Variants in NLRC4 observed in about 807,000 individuals in gnomAD.
NLRC4 encodes the protein NLR family CARD domain-containing protein 4.
A neutral mutation model predicts 79.9 loss-of-function variants in NLRC4; 63 were observed. The observed-to-expected ratio is 0.79, with a 90% CI of 0.64 to 0.97. NLRC4 has a LOEUF of 0.97. Among genes scored for constraint, NLRC4 ranks in the 50% least tolerant of loss-of-function variants. NLRC4 has a pLI of 0.00. For missense variants in NLRC4, 1,074 were observed against 1,215.2 expected (o/e 0.88, Z 1.73); for synonymous variants, 461 against 456.5 (o/e 1.01, Z -0.12).
At chr2:32,235,710 G>T (rs988931547) in intron 7 of NLRC4, 142 bp from the exon 8 acceptor site, 118 of 609,598 alleles carry the variant, frequency 1.9e-4, no homozygotes, top group Middle Eastern at 4.7e-4. Context: ...TTAATTTTTG[G>T]TTTTTTTTTG....
rs1491381844 is a variant in NLRC4 at position 32,245,333 on chromosome 2, A to AC, written c.2258-4209dup. ...CTCAAAAAAAAAAAAAAAAAAAAAA[A>AC]CAGATGAATAGAGGTCATTATGGTA... is the stretch of plus-strand genomic sequence containing the variant. On this transcript the variant is annotated intron_variant, in intron 4 of 8. Transcript: ENST00000402280. 5.9e-3 allele frequency among the ~76,000 whole-genome samples: 836 copies of AC among 142,080 alleles called. 9 individuals are homozygous for AC. Among genetic ancestry groups the AC allele is most frequent in the Non-Finnish European group, 9.7e-3 (633 of 65,004 alleles). 93.2% of individuals were successfully genotyped at this position (142,080 alleles called of 152,430 possible).
chr2:32,230,160 A>G (rs1686496445), intron 8 of NLRC4, among the ~76,000 whole-genome samples: 1 of 152,138 alleles, frequency 6.6e-6, no homozygotes, highest in African/African-American at 2.4e-5. Context: ...GAGAAGAGAA[A>G]CCTATAAGCT....
At chr2:32,251,682 G>T in intron 3 of NLRC4, 81 bp from the exon 4 acceptor site, 1 of 952,170 alleles carries the variant, frequency 1.1e-6, no homozygotes, top group South Asian at 1.6e-5. Flanking sequence ...TGAACGGGGG[G>T]GTGAGGCTGA....
At chr2:32,228,816 G>A (rs1223852983) in intron 8 of NLRC4, among the ~76,000 whole-genome samples, 2 of 151,746 alleles carry the variant, frequency 1.3e-5, no homozygotes, top group Non-Finnish European at 1.5e-5. Flanking sequence ...TTGCCCAGGA[G>A]TGCAGTGGTG....
rs1268495377 is a variant in NLRC4 at position 32,239,150 on chromosome 2, G to A, written c.2351-848C>T. Among the ~76,000 whole-genome samples, 5 of 152,228 alleles carry A rather than the reference G, an allele frequency of 3.3e-5. No individual in the cohort carries two copies. In the East Asian group the frequency reaches 9.7e-4, roughly 29 times the overall value. On this transcript the variant is annotated intron_variant, in intron 5 of 8. Coordinates refer to ENST00000402280, the MANE Select transcript of NLRC4 (RefSeq NM_001199138.2). ...ACAAAAATTAGCTGGGCGTGATGGTGCACACCTGTAATCTCAGCTACTTCG... is the reference window on the plus strand; with the variant it reads ...ACAAAAATTAGCTGGGCGTGATGGTACACACCTGTAATCTCAGCTACTTCG...
In NLRC4 at chr2:32,250,541, G is replaced by A. The variant is rs780456558; in HGVS notation, c.1323C>T (p.Phe441=). The stretch of plus-strand genomic sequence containing the variant: ...TGTACTCCTGGAATGACTTGTGAAA[G>A]AATTTATACTTTGGCTTGAACCTTT... ...TAQRFKPKYK[F]FHKSFQEYTA... The change falls in exon 4 of 9, where the codon TTC becomes TTT. Residue 441 remains phenylalanine, a synonymous_variant. Coordinates refer to ENST00000402280, the MANE Select transcript of NLRC4 (RefSeq NM_001199138.2). The surrounding 1 kb of genome is among the most constrained non-coding windows in gnomAD (Gnocchi z 4.9). 1.2e-5 allele frequency: 20 copies of A among 1,614,094 alleles called. No homozygotes were observed. Among genetic ancestry groups the A allele is most frequent in the Admixed American group, 1.2e-4 (7 of 59,990 alleles).
At chr2:32,253,211 G>A (rs1687122951) in intron 2 of NLRC4, among the ~76,000 whole-genome samples, 1 of 151,350 alleles carries the variant, frequency 6.6e-6, no homozygotes, top group Non-Finnish European at 1.5e-5. Flanking sequence ...GTGCAGTGAC[G>A]CGATCTCGGC....
At chr2:32,226,170 C>T (rs1380616967) in intron 8 of NLRC4, among the ~76,000 whole-genome samples, 2 of 152,112 alleles carry the variant, frequency 1.3e-5, no homozygotes, top group Non-Finnish European at 2.9e-5. Flanking sequence ...GACCAGCTTA[C>T]GTGGGTGAGG....
rs368415170 is a variant in NLRC4, at chr2:32,250,935, C to T, written c.929G>A (p.Arg310Gln). Reference protein sequence around the residue: ...MTEDSAQALIREVLIKELAEG... With the variant: ...MTEDSAQALIQEVLIKELAEG... ...AGCAAGCTCCTTGATCAGCACTTCT[C>T]GGATGAGAGCCTGGGCGCTGTCTTC... is the stretch of plus-strand genomic sequence containing the variant. The change falls in exon 4 of 9, where the codon CGA becomes CAA. Residue 310 changes from arginine to glutamine, a missense_variant. By Grantham distance (43) the Arg-to-Gln change is conservative. Coordinates refer to ENST00000402280, the MANE Select transcript of NLRC4 (RefSeq NM_001199138.2). The surrounding 1 kb of genome is among the most constrained non-coding windows in gnomAD (Gnocchi z 4.9). 1.4e-5 allele frequency: 23 copies of T among 1,613,928 alleles called. No individual in the cohort carries two copies. Among genetic ancestry groups the T allele is most frequent in the South Asian group, 9.9e-5 (9 of 91,072 alleles).
chr2:32,229,404 A>G (rs1686479151), intron 8 of NLRC4, among the ~76,000 whole-genome samples: 4 of 152,158 alleles, frequency 2.6e-5, no homozygotes. Flanking sequence ...AAGCGAATAG[A>G]GAACAGAGAA....
At chr2:32,252,175 T>C (rs376415122) in intron 3 of NLRC4, among the ~76,000 whole-genome samples, 90 of 152,310 alleles carry the variant, frequency 5.9e-4, no homozygotes, top group African/African-American at 2.1e-3. Context: ...CAGTTTTATC[T>C]TGCAGTGAGA....
At chr2:32,259,262 A>ATCTTTTTT (rs1687280788) in intron 1 of NLRC4, among the ~76,000 whole-genome samples, 1 of 52,878 alleles carries the variant, frequency 1.9e-5, no homozygotes, top group African/African-American at 9.4e-5. Flanking sequence ...TGCCTGGCTA[A>ATCTTTTTT]TTTTTTTTTT....
chr2:32,241,239 C>G, intron 4 of NLRC4, 114 bp from the exon 5 acceptor site: 3 of 679,600 alleles, frequency 4.4e-6, no homozygotes, highest in Non-Finnish European at 7.7e-6. Flanking sequence ...TCATCATGAG[C>G]CAAAAATGCT....
chr2:32,262,158 G>A (rs546577240), intron 1 of NLRC4, among the ~76,000 whole-genome samples: 12 of 152,232 alleles, frequency 7.9e-5, no homozygotes, highest in Non-Finnish European at 1.3e-4. Flanking sequence ...ACATTTTGGT[G>A]TCAGGATTGC....
chr2:32,226,063 A>G (rs212706), intron 8 of NLRC4, among the ~76,000 whole-genome samples: 87,499 of 151,960 alleles, frequency 0.58, 25,426 homozygotes, highest in African/African-American at 0.62. Flanking sequence ...AGAAGGAAAG[A>G]TTCGGTGCTG....
rs1558464069 is a variant in NLRC4 at position 32,261,315 on chromosome 2, C to CTTTTTTTTTTTTTTTTTTTTTTTT, written c.-119+3422_-119+3423insAAAAAAAAAAAAAAAAAAAAAAAA. On this transcript the variant is annotated intron_variant, in intron 1 of 8. Transcript: ENST00000402280. ...TTTCTTTCGCCTATTAAGCCTCCCC[C>CTTTTTTTTTTTTTTTTTTTTTTTT]CTTTTGTTTTTTTTTGAGATGGAGC... is the stretch of plus-strand genomic sequence containing the variant. Among the ~76,000 whole-genome samples, 67 of 81,560 alleles carry CTTTTTTTTTTTTTTTTTTTTTTTT rather than the reference C, an allele frequency of 8.2e-4. 3 individuals carry two copies. The highest frequency in any genetic ancestry group is 3.2e-3 in the African/African-American group (66 of 20,748). 53.5% of individuals were successfully genotyped at this position (81,560 alleles called of 152,430 possible).
intron 1 of NLRC4, among the ~76,000 whole-genome samples, chr2:32,262,666 C>G (rs887546796): frequency 6.6e-6 from 1 of 151,980 alleles, no homozygotes; most frequent in Non-Finnish European, 1.5e-5. Context: ...ATCCCAGCTA[C>G]TTGGGAAGCT....
Position 32,250,589 on chromosome 2 carries a change from C to G in NLRC4, c.1275G>C (p.Gly425=). ...SVNEDVLLTT[G]LLCKYTAQRF... is the part of the protein sequence containing the mutation. ...TTTGAGCTGTATATTTACAGAGGAG[C>G]CCAGTTGTCAGCAGGACATCCTCAT... Residue 425 remains glycine (G), a synonymous_variant, in exon 4 of 9, where the codon GGG becomes GGC. Coordinates refer to ENST00000402280, the MANE Select transcript of NLRC4 (RefSeq NM_001199138.2). The surrounding 1 kb of genome is among the most constrained non-coding windows in gnomAD (Gnocchi z 4.9). 6.2e-7 allele frequency: 1 copy of G among 1,614,106 alleles called. No homozygotes were observed. The highest frequency in any genetic ancestry group is 8.5e-7 in the Non-Finnish European group (1 of 1,180,024).
rs57907089 is a variant in NLRC4 at position 32,235,676 on chromosome 2, A to G, written c.2615-108T>C. 628 of 874,064 alleles carry G rather than the reference A, an allele frequency of 7.2e-4. 6 individuals carry two copies. In the East Asian group the frequency reaches 0.017, roughly 23 times the overall value. 54.1% of individuals were successfully genotyped at this position (874,064 alleles called of 1,614,324 possible). A position where few individuals can be genotyped will look rare whatever the true frequency, so the allele number is the denominator to read the frequency against. On this transcript the variant is annotated intron_variant, in intron 7 of 8. Coordinates refer to ENST00000402280, the MANE Select transcript of NLRC4 (RefSeq NM_001199138.2). ...TTTATGTTTGGTGGCTCTGCAGCCT[A>G]CTCAATCTGTAATGAGAATCTACTT...
Sources: gnomAD v4.1 joint callset for allele counts (sites outside exome capture counted in the v4.1 genomes callset) on GRCh38, gnomAD v4.1.1 for gene constraint, Gnocchi (gnomAD v3.1) non-coding constraint, MANE v1.5 for transcripts, NCBI Gene and HGNC (gene_info 2026-07-23, HGNC 2026-07-21) for gene names.